The following MEIOB variants were observed in gnomAD, a reference collection of about 807,000 sequenced individuals.
The protein encoded by MEIOB is meiosis-specific with OB domain-containing protein.
MEIOB carries 50 observed loss-of-function variants against 53.1 expected under a neutral mutation model. That is an observed-to-expected ratio of 0.94 (90% confidence interval 0.75 to 1.19). MEIOB has a LOEUF of 1.19. Among genes scored for constraint, MEIOB ranks in the 50% most tolerant of loss-of-function variants. The pLI is 0.00. For synonymous variants in MEIOB, 192 were observed against 182.5 expected (o/e 1.05, Z -0.42); for missense variants, 551 against 550.8 (o/e 1.00, Z 0.00).
At chr16:1,859,267 C>T (rs920905417) in intron 5 of MEIOB, among the ~76,000 whole-genome samples, 3 of 152,152 alleles carry the variant, frequency 2.0e-5, no homozygotes, top group African/African-American at 7.2e-5. Flanking sequence ...TTTGGCCAGG[C>T]GCGGTGGCTC....
intron 3 of MEIOB, among the ~76,000 whole-genome samples, 158 bp from the exon 4 acceptor site, chr16:1,862,274 T>C (rs1899466822): frequency 6.6e-6 from 1 of 152,206 alleles, no homozygotes; most frequent in Non-Finnish European, 1.5e-5. Flanking sequence ...AATACTCAAA[T>C]ACATAGTACA....
At chr16:1,852,341 C>T (rs1409638871) in intron 9 of MEIOB, among the ~76,000 whole-genome samples, 2 of 134,582 alleles carry the variant, frequency 1.5e-5, no homozygotes, top group African/African-American at 2.8e-5. Context: ...CGGCTCACTG[C>T]AACCTCCACC....
At chr16:1,840,406 G>A (rs1292327470) in intron 11 of MEIOB, among the ~76,000 whole-genome samples, 3 of 152,098 alleles carry the variant, frequency 2.0e-5, no homozygotes, top group South Asian at 4.1e-4. Context: ...ACACACGACT[G>A]CATGTGAACC....
intron 1 of MEIOB, among the ~76,000 whole-genome samples, chr16:1,869,269 C>T (rs974245190): frequency 8.5e-5 from 13 of 152,082 alleles, no homozygotes; most frequent in African/African-American, 2.9e-4. Flanking sequence ...GGATTACAGG[C>T]GCCTGCCACC....
At chr16:1,838,016 A>G (rs1185014169) in intron 12 of MEIOB, 146 bp from the exon 13 acceptor site, 1 of 1,416,418 alleles carries the variant, frequency 7.1e-7, no homozygotes, top group East Asian at 2.5e-5. Context: ...TTGTTTGTAG[A>G]GACAGGGTCT....
chr16:1,865,232 G>C (rs1189676246), intron 3 of MEIOB, among the ~76,000 whole-genome samples: 2 of 152,146 alleles, frequency 1.3e-5, no homozygotes, highest in East Asian at 3.8e-4. Flanking sequence ...AGGAGTTCAA[G>C]ACCAGCCTGG....
At position 1,868,104 on chromosome 16, in the gene MEIOB, T is replaced by C. The variant is rs1354951415; in HGVS notation, c.69+3A>G. 6 of 1,476,154 alleles carry C rather than the reference T, an allele frequency of 4.1e-6. No individual in the cohort carries two copies. The highest frequency in any genetic ancestry group is 5.5e-6 in the Non-Finnish European group (6 of 1,082,500). 91.4% of individuals were successfully genotyped at this position (1,476,154 alleles called of 1,614,324 possible). A position where few individuals can be genotyped will look rare whatever the true frequency, so the allele number is the denominator to read the frequency against. On this transcript the variant is annotated splice_donor_region_variant and intron_variant, in intron 2 of 13. Coordinates refer to ENST00000325962, the MANE Select transcript of MEIOB (RefSeq NM_001163560.3). ...AGCAAATCACCACATTATTGAAACC[T>C]ACCAGATTAGCCATATTTGTCTGCA...
chr16:1,854,467 C>G (rs1446790475), intron 6 of MEIOB, among the ~76,000 whole-genome samples: 2 of 152,218 alleles, frequency 1.3e-5, no homozygotes, highest in Non-Finnish European at 2.9e-5. Flanking sequence ...TAACATGTCA[C>G]AACAAAGCTC....
rs1441603494 is a variant in MEIOB at position 1,855,610 on chromosome 16, T to C, written c.529-1410A>G. Among the ~76,000 whole-genome samples the C allele has an allele frequency of 3.9e-5, 6 of 152,236 alleles. No homozygotes were observed. The East Asian group carries it at 1.2e-3, about 29-fold the overall frequency. On this transcript the variant is annotated intron_variant, in intron 6 of 13. Transcript: ENST00000325962. ...ATACTACTATATTCATTCAGGGTTGTAGACAATTCTTACTTCATTATAAAC... is the reference window on the plus strand; with the variant it reads ...ATACTACTATATTCATTCAGGGTTGCAGACAATTCTTACTTCATTATAAAC...
rs190847489 is a variant in MEIOB, at chr16:1,854,430, G to A, written c.529-230C>T. 1.4e-4 allele frequency among the ~76,000 whole-genome samples: 21 copies of A among 152,360 alleles called. No individual in the cohort carries two copies. The East Asian group carries it at 3.3e-3, about 24-fold the overall frequency. On this transcript the variant is annotated intron_variant, in intron 6 of 13. Coordinates refer to ENST00000325962, the MANE Select transcript of MEIOB (RefSeq NM_001163560.3). ...TTTGAAGAGACACAGGGAGACAGGT[G>A]CTTGAAGTAGAGACTGAAAGTCTTT...
In MEIOB at chr16:1,837,887, TATG is replaced by T; in HGVS notation, c.1219-20_1219-18del. 2.5e-6 allele frequency: 3 copies of T among 1,197,710 alleles called. No homozygotes were observed. Among genetic ancestry groups the T allele is most frequent in the Non-Finnish European group, 3.2e-6 (3 of 925,068 alleles). The allele number at this position is 1,197,710 out of a possible 1,614,324, so 74.2% of individuals were successfully genotyped here. On this transcript the variant is annotated intron_variant, in intron 12 of 13. Coordinates refer to ENST00000325962, the MANE Select transcript of MEIOB (RefSeq NM_001163560.3). ...CTCATGTACCTGGTTAAAAAAAAAA[TATG>T]AGACAAATATATTTGAAGTTTACAA...
intron 1 of MEIOB, among the ~76,000 whole-genome samples, chr16:1,869,876 AT>A (rs10681287): frequency 1.0e-4 from 14 of 140,404 alleles, no homozygotes; most frequent in South Asian, 2.3e-4. Flanking sequence ...AAAGGTAGTG[AT>A]TTTTTTTTTT....
chr16:1,839,500 CAGAA>C lies in MEIOB; in HGVS notation c.1035-66_1035-63del. 3 of 1,449,228 alleles carry C rather than the reference CAGAA, an allele frequency of 2.1e-6. No individual in the cohort carries two copies. In the South Asian group the frequency reaches 4.0e-5, roughly 19 times the overall value. 89.8% of individuals were successfully genotyped at this position (1,449,228 alleles called of 1,614,324 possible). A position where few individuals can be genotyped will look rare whatever the true frequency, so the allele number is the denominator to read the frequency against. On this transcript the variant is annotated intron_variant, in intron 11 of 13. Coordinates refer to ENST00000325962, the MANE Select transcript of MEIOB (RefSeq NM_001163560.3). ...CCTAAGCTACAAATTTCATCTGTAG[CAGAA>C]AAAGAATTGTCACTAAAAACTCTAC...
At chr16:1,863,218 A>G (rs1899492094) in intron 3 of MEIOB, among the ~76,000 whole-genome samples, 1 of 152,052 alleles carries the variant, frequency 6.6e-6, no homozygotes, top group South Asian at 2.1e-4. Flanking sequence ...CAGGGTGTTC[A>G]TGAAATGTAC....
Position 1,841,848 on chromosome 16 carries a change from C to A in MEIOB, c.1006G>T (p.Glu336Ter). ...CTATTTCGAACTACTTTTGTAGTTTCATCATCAATGTTGAGTGTGGAAATG... is the reference window on the plus strand; with the variant it reads ...CTATTTCGAACTACTTTTGTAGTTTAATCATCAATGTTGAGTGTGGAAATG... ...AYISTLNIDD[E>*]TTKVVRNRCS... Residue 336 changes from glutamate (E) to a stop codon, truncating the protein, a stop_gained, in exon 11 of 14, where the codon GAA becomes TAA. Coordinates refer to ENST00000325962, the MANE Select transcript of MEIOB (RefSeq NM_001163560.3). LOFTEE classifies it high-confidence loss of function. The A allele has an allele frequency of 6.3e-7, 1 of 1,588,550 alleles. No individual in the cohort carries two copies. The highest frequency in any genetic ancestry group is 8.6e-7 in the Non-Finnish European group (1 of 1,169,188).
At chr16:1,850,365 G>GC (rs1596973178) in intron 9 of MEIOB, among the ~76,000 whole-genome samples, 1 of 149,954 alleles carries the variant, frequency 6.7e-6, no homozygotes, top group East Asian at 2.0e-4. Flanking sequence ...GATCACTGGA[G>GC]CCCAGAAGTT....
At position 1,854,180 on chromosome 16, in the gene MEIOB, A is replaced by C. The variant is rs563286956; in HGVS notation, c.549T>G (p.Phe183Leu). ...GGCCTTTTCTCCGGTCTGAAGTTGT[A>C]AAGTATTTTGGCTCTCCAACCTTAG... ...AVKSVGEPKY[F>L]TTSDRRKGQR... Residue 183 changes from phenylalanine to leucine, a missense_variant, in exon 7 of 14, where the codon TTT (phenylalanine) becomes TTG (leucine). Coordinates refer to ENST00000325962, the MANE Select transcript of MEIOB (RefSeq NM_001163560.3). The C allele has an allele frequency of 6.5e-7, 1 of 1,548,962 alleles. No individual in the cohort carries two copies. Among genetic ancestry groups the C allele is most frequent in the Non-Finnish European group, 8.7e-7 (1 of 1,144,944 alleles).
At chr16:1,839,583 G>A (rs1048172024) in intron 11 of MEIOB, 145 bp from the exon 12 acceptor site, 8 of 688,962 alleles carry the variant, frequency 1.2e-5, no homozygotes, top group Non-Finnish European at 1.8e-5. Context: ...CTACAAGACA[G>A]TCGTAAAAAA....
chr16:1,861,931 T>C, intron 4 of MEIOB, 54 bp downstream of exon 4: 1 of 1,499,206 alleles, frequency 6.7e-7, no homozygotes, highest in Non-Finnish European at 9.0e-7. Flanking sequence ...ACCATAAACA[T>C]ACCACAGGAA....
Sources: allele counts gnomAD v4.1 joint callset (sites outside exome capture counted in the v4.1 genomes callset), GRCh38; gene constraint gnomAD v4.1.1; transcripts MANE v1.5; gene names NCBI Gene and HGNC (gene_info 2026-07-23, HGNC 2026-07-21).